Variants in EDA observed in about 807,000 individuals in gnomAD.
EDA encodes the protein ectodysplasin A.
EDA carries 2 observed loss-of-function variants against 23.6 expected under a neutral mutation model. The ratio of observed to expected loss-of-function variants is 0.08; its 90% confidence interval spans 0.03 to 0.27. The LOEUF is 0.27. Ranked by LOEUF, EDA falls within the 10% of genes least tolerant of loss-of-function variation. EDA has a pLI of 1.00. For missense variants in EDA, 229 were observed against 324.2 expected, an observed-to-expected ratio of 0.71 and a Z score of 2.26; for synonymous variants, 131 against 132.0, an observed-to-expected ratio of 0.99 and a Z score of 0.05.
At chrX:69,856,306 T>C (rs2017252020) in intron 1 of EDA, among the ~76,000 whole-genome samples, 1 of 101,001 alleles carries the variant, frequency 9.9e-6, no homozygotes, top group African/African-American at 3.7e-5. Flanking sequence ...TGTTGCAAAT[T>C]CTGCTGCTAT....
intron 1 of EDA, among the ~76,000 whole-genome samples, chrX:69,749,344 G>A (rs2013734761): frequency 1.1e-5 from 1 of 88,917 alleles, no homozygotes; most frequent in African/African-American, 4.2e-5. Flanking sequence ...ATCATTGTTG[G>A]ACATTTGGGT....
chrX:69,776,963 T>C (rs1288449676), intron 1 of EDA, among the ~76,000 whole-genome samples: 2 of 111,743 alleles, frequency 1.8e-5, no homozygotes, highest in East Asian at 5.6e-4. Context: ...GAATACAGTT[T>C]TAAAACTATT....
At chrX:69,643,365 A>G in intron 1 of EDA, among the ~76,000 whole-genome samples, 1 of 110,905 alleles carries the variant, frequency 9.0e-6, no homozygotes, top group South Asian at 3.9e-4. Context: ...TTTGCTGCAC[A>G]GATCATCCCA....
intron 1 of EDA, among the ~76,000 whole-genome samples, chrX:69,677,437 T>C (rs1934140350): frequency 9.0e-6 from 1 of 111,577 alleles, no homozygotes; most frequent in Non-Finnish European, 1.9e-5. Context: ...TAGTTTGCAG[T>C]CCCACCAACA....
intron 1 of EDA, among the ~76,000 whole-genome samples, chrX:69,829,783 A>C (rs1416197754): frequency 8.9e-6 from 1 of 112,003 alleles, no homozygotes; most frequent in Non-Finnish European, 1.9e-5. Context: ...AGTGCTCACT[A>C]GTCATGTTTC....
intron 1 of EDA, among the ~76,000 whole-genome samples, chrX:69,722,598 A>G (rs2012630847): frequency 8.9e-6 from 1 of 111,799 alleles, no homozygotes; most frequent in Non-Finnish European, 1.9e-5. Context: ...CTCAGAATAT[A>G]TCTCTTTTTA....
intron 1 of EDA, among the ~76,000 whole-genome samples, chrX:69,842,789 A>G (rs2016921961): frequency 9.0e-6 from 1 of 111,171 alleles, no homozygotes; most frequent in African/African-American, 3.3e-5. Flanking sequence ...AGTCCTAACA[A>G]GATCTGGTTG....
At chrX:69,677,367 T>G (rs1404144244) in intron 1 of EDA, among the ~76,000 whole-genome samples, 1 of 111,297 alleles carries the variant, frequency 9.0e-6, no homozygotes, top group Non-Finnish European at 1.9e-5. Context: ...CTGGTTCAAA[T>G]GGCATTTCTA....
At chrX:69,941,791 A>G (rs1325655752) in intron 1 of EDA, among the ~76,000 whole-genome samples, 1 of 111,375 alleles carries the variant, frequency 9.0e-6, no homozygotes, top group South Asian at 3.8e-4. Flanking sequence ...TATTATTGAT[A>G]AGTAAAGATT....
Position 69,915,591 on chromosome X carries a change from G to A in EDA, c.397-41436G>A, listed in dbSNP as rs201759994. Among the ~76,000 whole-genome samples, 381 of 96,744 alleles carry A rather than the reference G, an allele frequency of 3.9e-3. 11 individuals are homozygous for A. In the South Asian group the frequency reaches 0.1, roughly 27 times the overall value. 84.0% of individuals were successfully genotyped at this position (96,744 alleles called of 115,157 possible). A position where few individuals can be genotyped will look rare whatever the true frequency, so the allele number is the denominator to read the frequency against. ...GCAATCCAGCCTGGGCAACAAGAGC[G>A]AAAAAAAAAAAAGCATCATGACAGG... is the stretch of plus-strand genomic sequence containing the variant. On this transcript the variant is annotated intron_variant, in intron 1 of 7. Transcript: ENST00000374552.
At chrX:69,791,889 G>T (rs985817713) in intron 1 of EDA, among the ~76,000 whole-genome samples, 1 of 112,097 alleles carries the variant, frequency 8.9e-6, no homozygotes, top group Non-Finnish European at 1.9e-5. Flanking sequence ...TGATCTGCCT[G>T]CCTTGGTCTC....
At chrX:70,034,624 G>A (rs2020240329) in intron 7 of EDA, among the ~76,000 whole-genome samples, 1 of 111,776 alleles carries the variant, frequency 8.9e-6, no homozygotes, top group African/African-American at 3.3e-5. Context: ...AGAATTGAGA[G>A]TGGCCCATGC....
At chrX:69,915,877 C>G (rs1602531435) in intron 1 of EDA, among the ~76,000 whole-genome samples, 1 of 111,678 alleles carries the variant, frequency 9.0e-6, no homozygotes, top group East Asian at 2.8e-4. Context: ...AGAGAAAACC[C>G]TCCAGATTAA....
chrX:69,765,673 C>T (rs1185675548), intron 1 of EDA, among the ~76,000 whole-genome samples: 2 of 111,389 alleles, frequency 1.8e-5, no homozygotes, highest in South Asian at 3.7e-4. Context: ...GTCTCTTGTA[C>T]CCTTCATTCA....
intron 1 of EDA, among the ~76,000 whole-genome samples, chrX:69,706,685 G>A (rs2011736535): frequency 8.9e-6 from 1 of 111,853 alleles, no homozygotes; most frequent in Admixed American, 9.5e-5. Flanking sequence ...TTTCTAATTG[G>A]CAATTGGTTG....
intron 2 of EDA, among the ~76,000 whole-genome samples, chrX:69,967,038 A>G (rs1315396899): frequency 3.6e-5 from 4 of 110,273 alleles, no homozygotes; most frequent in Non-Finnish European, 3.8e-5. Context: ...AATATCGATT[A>G]CCTTGGGTGG....
intron 1 of EDA, chrX:69,672,423 G>A (rs1480113350): frequency 8.9e-6 from 1 of 111,863 alleles, no homozygotes; most frequent in African/African-American, 3.3e-5. Flanking sequence ...GTGGAGCTGG[G>A]GAATAGTGCT....
intron 2 of EDA, among the ~76,000 whole-genome samples, chrX:69,982,715 GA>G (rs61640154): frequency 0.071 from 7,305 of 103,303 alleles, 675 homozygotes; most frequent in East Asian, 0.59. Flanking sequence ...GTGTGGTGCT[GA>G]AAAAAATGTA....
intron 2 of EDA, among the ~76,000 whole-genome samples, chrX:69,967,530 G>A (rs2019192028): frequency 1.8e-5 from 2 of 111,730 alleles, no homozygotes; most frequent in South Asian, 7.5e-4. Flanking sequence ...AAGAGAGATA[G>A]CTGGTCTGAA....
Sources: allele counts gnomAD v4.1 joint callset (sites outside exome capture counted in the v4.1 genomes callset), GRCh38; gene constraint gnomAD v4.1.1; transcripts MANE v1.5; gene names NCBI Gene and HGNC (gene_info 2026-07-23, HGNC 2026-07-21).